TTC39C: variants seen among roughly 807,000 people sequenced by gnomAD.
TTC39C encodes the protein tetratricopeptide repeat protein 39C.
Under a neutral mutation model 76.3 loss-of-function variants are expected in TTC39C, and 33 were observed. The observed-to-expected ratio is 0.43, with a 90% confidence interval of 0.33 to 0.58. The LOEUF (loss-of-function observed/expected upper bound fraction) is 0.58, where lower values mean the gene tolerates loss of function less well. Ranked by LOEUF, TTC39C falls within the 20% of genes least tolerant of loss-of-function variation. The pLI is 0.04. For missense variants in TTC39C, 595 were observed against 701.4 expected (o/e 0.85, Z 1.71); for synonymous variants, 254 against 260.6 (o/e 0.97, Z 0.24).
intron 6 of TTC39C, among the ~76,000 whole-genome samples, chr18:24,089,513 G>A (rs2084491547): frequency 6.6e-6 from 1 of 152,142 alleles, no homozygotes; most frequent in African/African-American, 2.4e-5. Context: ...TATGAAGGAT[G>A]TATTTGTATC....
At chr18:24,061,546 A>G (rs1218944441) in intron 1 of TTC39C, among the ~76,000 whole-genome samples, 1 of 142,612 alleles carries the variant, frequency 7.0e-6, no homozygotes, top group Non-Finnish European at 1.5e-5. Context: ...TCCACAACTG[A>G]TTAGGATGCA....
At chr18:24,010,842 G>A (rs976534247), upstream of TTC39C, among the ~76,000 whole-genome samples, 3 of 152,204 alleles carry the variant, frequency 2.0e-5, no homozygotes, top group African/African-American at 7.2e-5. Flanking sequence ...GAGCTCAGGA[G>A]TTTGAGACCA....
intron 1 of TTC39C, among the ~76,000 whole-genome samples, chr18:24,046,710 T>C (rs993806317): frequency 9.9e-5 from 15 of 151,906 alleles, no homozygotes; most frequent in Admixed American, 7.9e-4. Flanking sequence ...ATTTTTTCTA[T>C]ATTCTTCTTA....
intron 1 of TTC39C, among the ~76,000 whole-genome samples, chr18:24,048,735 G>A (rs1402236021): frequency 6.6e-6 from 1 of 152,100 alleles, no homozygotes; most frequent in Non-Finnish European, 1.5e-5. Flanking sequence ...ACCTTTTAAG[G>A]TAACGTTTTC....
intron 1 of TTC39C, among the ~76,000 whole-genome samples, chr18:23,995,463 C>G (rs967007116): frequency 6.6e-6 from 1 of 152,096 alleles, no homozygotes; most frequent in Middle Eastern, 3.4e-3. Context: ...GAGTGAGACT[C>G]TGTCTCTAAA....
chr18:24,008,709 C>G (rs1301368982), intron 1 of TTC39C, among the ~76,000 whole-genome samples: 1 of 152,194 alleles, frequency 6.6e-6, no homozygotes, highest in Non-Finnish European at 1.5e-5. Context: ...ACAAATCGTT[C>G]TGTCATAAAG....
chr18:24,065,905 CAATA>C lies in TTC39C; in HGVS notation c.217-101_217-98del, dbSNP rs1052665547. 33 of 1,174,216 alleles carry C rather than the reference CAATA, an allele frequency of 2.8e-5. No homozygotes were observed. The African/African-American group carries it at 4.6e-4, about 16-fold the overall frequency. 72.7% of individuals were successfully genotyped at this position (1,174,216 alleles called of 1,614,324 possible). On this transcript the variant is annotated intron_variant, in intron 2 of 13. Transcript: ENST00000317571. ...TGTAACATTGTGATTCTTTTGCTTGCAATAAATAATTTAAGTGTTTTTTTAATTT... is the reference window on the plus strand; with the variant it reads ...TGTAACATTGTGATTCTTTTGCTTGCAATAATTTAAGTGTTTTTTTAATTT...
chr18:24,046,463 G>A (rs1465508559), intron 1 of TTC39C, among the ~76,000 whole-genome samples: 1 of 151,832 alleles, frequency 6.6e-6, no homozygotes, highest in Non-Finnish European at 1.5e-5. Context: ...CTTGCTAATA[G>A]TCATAGATTT....
At position 24,130,369 on chromosome 18, in the gene TTC39C, G is replaced by T. The variant is rs775496935; in HGVS notation, c.1575G>T (p.Gln525His). Residue 525 changes from glutamine to histidine, a missense_variant, in exon 12 of 14, where the codon CAG (glutamine) becomes CAT (histidine). Physicochemically the swap from Gln to His is conservative, Grantham distance 24. Coordinates refer to ENST00000317571, the MANE Select transcript of TTC39C (RefSeq NM_001135993.2). ...GTCGTCAGAATAACTTATATGTTCA[G>T]CCGTATGCCTGTTATGAACTTGGCT... Reference protein sequence around the residue: ...ELCRQNNLYVQPYACYELGCL... With the variant: ...ELCRQNNLYVHPYACYELGCL... 1 of 1,589,268 alleles carries T rather than the reference G, an allele frequency of 6.3e-7. No individual in the cohort carries two copies. The highest frequency in any genetic ancestry group is 1.7e-4 in the Middle Eastern group (1 of 6,002).
intron 1 of TTC39C, among the ~76,000 whole-genome samples, chr18:24,058,269 T>G (rs992055202): frequency 6.6e-6 from 1 of 152,150 alleles, no homozygotes; most frequent in Non-Finnish European, 1.5e-5. Context: ...TGACACACAA[T>G]TTACCTATAT....
intron 1 of TTC39C, among the ~76,000 whole-genome samples, chr18:24,033,736 A>G (rs1272186751): frequency 6.6e-6 from 1 of 152,224 alleles, no homozygotes; most frequent in East Asian, 1.9e-4. Flanking sequence ...GCCACAAATC[A>G]TTATGTATGT....
rs1458135024 is a variant in TTC39C at position 24,134,291 on chromosome 18, T to TTC, written c.*1717_*1718insTC. On this transcript the variant is annotated 3_prime_UTR_variant, in exon 14 of 14. Transcript: ENST00000317571. The stretch of plus-strand genomic sequence containing the variant: ...TTTTTTTTTTTTTTTTTTTTTTTTT[T>TTC]GAGACGGAGTCTCGCTCTGTCACCC... The TTC allele has an allele frequency of 7.6e-6, 1 of 131,246 alleles. No homozygotes were observed. The highest frequency in any genetic ancestry group is 1.6e-5 in the Non-Finnish European group (1 of 63,490). 8.1% of individuals were successfully genotyped at this position (131,246 alleles called of 1,614,324 possible). A position where few individuals can be genotyped will look rare whatever the true frequency, so the allele number is the denominator to read the frequency against.
chr18:24,027,152 C>A (rs917653042), intron 1 of TTC39C, among the ~76,000 whole-genome samples: 1 of 151,828 alleles, frequency 6.6e-6, no homozygotes, highest in African/African-American at 2.4e-5. Flanking sequence ...ATTAGCCGAG[C>A]GTGGTGGTGG....
chr18:24,087,515 A>C (rs1386805111), intron 6 of TTC39C, among the ~76,000 whole-genome samples: 1 of 152,128 alleles, frequency 6.6e-6, no homozygotes, highest in African/African-American at 2.4e-5. Context: ...CAAATAAATG[A>C]AAGTCGTTTT....
chr18:24,074,932 A>C (rs2084284237), intron 4 of TTC39C, among the ~76,000 whole-genome samples: 1 of 152,224 alleles, frequency 6.6e-6, no homozygotes, highest in African/African-American at 2.4e-5. Context: ...CTGGATAAAG[A>C]AAATGTGGCA....
chr18:24,012,368 C>T (rs947390892), upstream of TTC39C, among the ~76,000 whole-genome samples: 2 of 152,082 alleles, frequency 1.3e-5, no homozygotes, highest in Non-Finnish European at 2.9e-5. Context: ...TGGTCCTTGC[C>T]TTAATTGTTC....
intron 8 of TTC39C, among the ~76,000 whole-genome samples, chr18:24,121,246 G>A (rs928238218): frequency 4.6e-5 from 7 of 152,258 alleles, no homozygotes. Flanking sequence ...ATAAACCAGA[G>A]ACTCCCATGA....
intron 6 of TTC39C, among the ~76,000 whole-genome samples, chr18:24,111,824 C>T (rs962807457): frequency 7.3e-5 from 11 of 151,678 alleles, no homozygotes; most frequent in Non-Finnish European, 1.0e-4. Flanking sequence ...ATCTCTTGAG[C>T]CTGGGAGATT....
At chr18:24,130,445 T>C in intron 12 of TTC39C, 28 bp downstream of exon 12, 1 of 934,654 alleles carries the variant, frequency 1.1e-6, no homozygotes, top group Non-Finnish European at 1.4e-6. Flanking sequence ...TAATATAATA[T>C]ATATTTTTAA....
Sources: gnomAD v4.1 joint callset for allele counts (sites outside exome capture counted in the v4.1 genomes callset) on GRCh38, gnomAD v4.1.1 for gene constraint, MANE v1.5 for transcripts, NCBI Gene and HGNC (gene_info 2026-07-23, HGNC 2026-07-21) for gene names.